Variants in SLC9A9 observed in about 807,000 individuals in gnomAD.
The protein encoded by SLC9A9 is solute carrier family 9 member A9.
SLC9A9 carries 62 observed loss-of-function variants against 77.8 expected under a neutral mutation model. The observed-to-expected ratio is 0.80, with a 90% confidence interval of 0.65 to 0.98. SLC9A9 has a LOEUF of 0.98. Among genes scored for constraint, SLC9A9 ranks in the 50% least tolerant of loss-of-function variants. The pLI is 0.00. For synonymous variants in SLC9A9, 320 were observed against 283.5 expected (o/e 1.13, Z -1.29); for missense variants, 775 against 774.9 (o/e 1.00, Z 0.00).
At chr3:143,269,103 G>A (rs1385499601) in intron 14 of SLC9A9, 123 bp from the exon 15 acceptor site, 2 of 746,750 alleles carry the variant, frequency 2.7e-6, no homozygotes, top group Non-Finnish European at 4.8e-6. Flanking sequence ...CCCTCACTTA[G>A]GAAGAAATTT....
intron 1 of SLC9A9, among the ~76,000 whole-genome samples, chr3:143,835,150 C>T (rs1474386144): frequency 2.6e-5 from 4 of 152,194 alleles, no homozygotes; most frequent in Non-Finnish European, 5.9e-5. Context: ...CAGGATCAGG[C>T]CTGCATCAAA....
At chr3:143,465,516 T>C (rs1018860982) in intron 12 of SLC9A9, among the ~76,000 whole-genome samples, 8 of 152,258 alleles carry the variant, frequency 5.3e-5, no homozygotes, top group Non-Finnish European at 1.2e-4. Context: ...TTATATTTTA[T>C]TGCTTTAAGG....
intron 12 of SLC9A9, among the ~76,000 whole-genome samples, chr3:143,402,953 A>G (rs867892639): frequency 6.7e-6 from 1 of 149,292 alleles, no homozygotes; most frequent in Non-Finnish European, 1.5e-5. Flanking sequence ...TAGGTGTTAC[A>G]ATATACATCT....
intron 12 of SLC9A9, among the ~76,000 whole-genome samples, chr3:143,444,053 G>A (rs1032785539): frequency 3.9e-5 from 6 of 152,060 alleles, no homozygotes; most frequent in African/African-American, 1.2e-4. Context: ...TTTTATTTCC[G>A]TATTTAAACA....
intron 2 of SLC9A9, among the ~76,000 whole-genome samples, chr3:143,828,176 T>C (rs1388555307): frequency 6.6e-6 from 1 of 152,220 alleles, no homozygotes; most frequent in Non-Finnish European, 1.5e-5. Flanking sequence ...TATCCATATA[T>C]GCACAGCTAA....
chr3:143,755,913 T>C (rs1353603102), intron 4 of SLC9A9, among the ~76,000 whole-genome samples: 2 of 152,108 alleles, frequency 1.3e-5, no homozygotes, highest in Non-Finnish European at 2.9e-5. Flanking sequence ...AAAAGTAAGT[T>C]AAAGCAACTT....
At chr3:143,460,449 G>A (rs2035171097) in intron 12 of SLC9A9, among the ~76,000 whole-genome samples, 1 of 151,624 alleles carries the variant, frequency 6.6e-6, no homozygotes. Flanking sequence ...AACGTTGGCT[G>A]TTACCTAAAG....
At chr3:143,293,849 A>T (rs1251766890) in intron 14 of SLC9A9, among the ~76,000 whole-genome samples, 2 of 152,220 alleles carry the variant, frequency 1.3e-5, no homozygotes, top group Non-Finnish European at 2.9e-5. Flanking sequence ...CTTTTAGCAA[A>T]AGTCAATGTT....
chr3:143,781,817 A>G (rs186237103), intron 4 of SLC9A9, among the ~76,000 whole-genome samples: 1 of 152,334 alleles, frequency 6.6e-6, no homozygotes, highest in East Asian at 1.9e-4. Flanking sequence ...TGCCTTTTGG[A>G]AACTTTCTTT....
chr3:143,319,809 C>T (rs1438864548), intron 14 of SLC9A9, among the ~76,000 whole-genome samples: 1 of 152,194 alleles, frequency 6.6e-6, no homozygotes, highest in East Asian at 1.9e-4. Flanking sequence ...GAAACATCTG[C>T]AAGCTTATCT....
intron 13 of SLC9A9, among the ~76,000 whole-genome samples, chr3:143,380,084 A>G (rs867357916): frequency 6.6e-6 from 1 of 152,314 alleles, no homozygotes; most frequent in South Asian, 2.1e-4. Flanking sequence ...TTTTATAGAG[A>G]GGGAAACTGA....
intron 9 of SLC9A9, among the ~76,000 whole-genome samples, chr3:143,495,907 A>C (rs1156612739): frequency 6.6e-6 from 1 of 152,180 alleles, no homozygotes; most frequent in Non-Finnish European, 1.5e-5. Flanking sequence ...TACCCTTCTC[A>C]GGCAGGCAGG....
At chr3:143,276,534 T>C (rs1938052749) in intron 14 of SLC9A9, among the ~76,000 whole-genome samples, 1 of 152,220 alleles carries the variant, frequency 6.6e-6, no homozygotes, top group African/African-American at 2.4e-5. Flanking sequence ...TTTTATCTGA[T>C]CTTCTATCTT....
intron 14 of SLC9A9, among the ~76,000 whole-genome samples, chr3:143,331,443 T>C (rs1235909766): frequency 6.6e-6 from 1 of 152,224 alleles, no homozygotes; most frequent in Non-Finnish European, 1.5e-5. Context: ...TAGCATTCAA[T>C]TATTTCCTGT....
chr3:143,434,708 G>C (rs1245438573), intron 12 of SLC9A9, among the ~76,000 whole-genome samples: 1 of 152,050 alleles, frequency 6.6e-6, no homozygotes, highest in Non-Finnish European at 1.5e-5. Flanking sequence ...TCTCATAAAT[G>C]CCTCTTTCCA....
chr3:143,486,293 T>C (rs542357242), intron 11 of SLC9A9, among the ~76,000 whole-genome samples: 8 of 152,280 alleles, frequency 5.3e-5, no homozygotes, highest in African/African-American at 1.9e-4. Context: ...ACCTATCCTT[T>C]AAGAAATCCC....
chr3:143,813,245 T>A (rs1236466225), intron 2 of SLC9A9, among the ~76,000 whole-genome samples: 1 of 152,140 alleles, frequency 6.6e-6, no homozygotes, highest in Non-Finnish European at 1.5e-5. Flanking sequence ...AGGGTTCTGA[T>A]GAAGGTGCTC....
At chr3:143,430,986 A>G (rs2034503176) in intron 12 of SLC9A9, among the ~76,000 whole-genome samples, 1 of 152,232 alleles carries the variant, frequency 6.6e-6, no homozygotes, top group Non-Finnish European at 1.5e-5. Flanking sequence ...AAAGAGCCTC[A>G]TCACTGATTT....
intron 13 of SLC9A9, among the ~76,000 whole-genome samples, chr3:143,377,824 C>G (rs1422047511): frequency 6.6e-6 from 1 of 152,236 alleles, no homozygotes; most frequent in Non-Finnish European, 1.5e-5. Context: ...GGCCAATGGT[C>G]TGGCCCCTGC....
Sources: allele counts gnomAD v4.1 joint callset (sites outside exome capture counted in the v4.1 genomes callset), GRCh38; gene constraint gnomAD v4.1.1; transcripts MANE v1.5; gene names NCBI Gene and HGNC (gene_info 2026-07-23, HGNC 2026-07-21).